Variants in PLAAT1 observed in about 807,000 individuals in gnomAD.
PLAAT1 encodes phospholipase A and acyltransferase 1.
PLAAT1 carries 13 observed loss-of-function variants against 16.4 expected under a neutral mutation model. That is an observed-to-expected ratio of 0.79 (90% CI 0.52 to 1.26). The LOEUF (loss-of-function observed/expected upper bound fraction) is 1.26, where lower values mean the gene tolerates loss of function less well. Ranked by LOEUF, PLAAT1 falls within the 50% of genes most tolerant of loss-of-function variation. The pLI, the probability that PLAAT1 is intolerant of heterozygous loss-of-function variation, is 0.00. For missense variants in PLAAT1, 218 were observed against 207.8 expected (o/e 1.05, Z -0.30); for synonymous variants, 73 against 78.4 (o/e 0.93, Z 0.36).
chr3:193,262,609 G>A (rs1716626373), intron 2 of PLAAT1, among the ~76,000 whole-genome samples: 2 of 152,016 alleles, frequency 1.3e-5, no homozygotes, highest in Non-Finnish European at 2.9e-5. Context: ...AGAAAAAGTG[G>A]ACAATAATCT....
At chr3:193,242,746 G>A (rs1715821351) in intron 1 of PLAAT1, among the ~76,000 whole-genome samples, 1 of 152,126 alleles carries the variant, frequency 6.6e-6, no homozygotes, top group South Asian at 2.1e-4. Context: ...AGCACTGAGA[G>A]TCTATGAATT....
chr3:193,242,652 A>G (rs1335648513), intron 1 of PLAAT1, among the ~76,000 whole-genome samples: 1 of 152,194 alleles, frequency 6.6e-6, no homozygotes, highest in Non-Finnish European at 1.5e-5. Context: ...AAGGCATGAC[A>G]GTGCTGTGGC....
downstream of PLAAT1, among the ~76,000 whole-genome samples, chr3:193,280,262 C>T (rs1449553145): frequency 6.6e-6 from 1 of 152,050 alleles, no homozygotes; most frequent in Non-Finnish European, 1.5e-5. Flanking sequence ...ACCATATTGG[C>T]CAGGCTGGGC....
In PLAAT1 at chr3:193,265,601, C is replaced by T. The variant is rs114389612; in HGVS notation, c.405+2366C>T. On this transcript the variant is annotated intron_variant, in intron 3 of 3. Transcript: ENST00000264735. Reference sequence around the variant, plus strand: ...GAATATACTAAAAAACATTGAACTACATTATTTCAGTGGGTAAATATATGG... The same window carrying T: ...GAATATACTAAAAAACATTGAACTATATTATTTCAGTGGGTAAATATATGG... Among the ~76,000 whole-genome samples the T allele has an allele frequency of 6.1e-3, 932 of 152,120 alleles. 9 individuals carry two copies. Among genetic ancestry groups the T allele is most frequent in the African/African-American group, 0.021 (874 of 41,502 alleles).
intron 1 of PLAAT1, among the ~76,000 whole-genome samples, chr3:193,250,562 C>T (rs756939747): frequency 6.6e-6 from 1 of 152,126 alleles, no homozygotes; most frequent in African/African-American, 2.4e-5. Flanking sequence ...GACTAGGAGC[C>T]TGTCTCTTGG....
chr3:193,247,637 C>CT (rs979188162), intron 1 of PLAAT1, among the ~76,000 whole-genome samples: 4 of 151,578 alleles, frequency 2.6e-5, no homozygotes, highest in Non-Finnish European at 5.9e-5. Context: ...TCAGTTTCCT[C>CT]TTTTTTTTGT....
downstream of PLAAT1, among the ~76,000 whole-genome samples, chr3:193,279,114 CATA>C (rs1175101453): frequency 6.6e-6 from 1 of 152,026 alleles, no homozygotes; most frequent in Non-Finnish European, 1.5e-5. Context: ...TATAACATAG[CATA>C]ATAAAGTATC....
intron 2 of PLAAT1, among the ~76,000 whole-genome samples, chr3:193,258,852 C>T (rs1219696539): frequency 6.6e-6 from 1 of 152,086 alleles, no homozygotes; most frequent in African/African-American, 2.4e-5. Flanking sequence ...ACCAATCCTA[C>T]TGAAACTACT....
chr3:193,243,230 G>A (rs759799866), intron 1 of PLAAT1, among the ~76,000 whole-genome samples: 1 of 152,182 alleles, frequency 6.6e-6, no homozygotes. Flanking sequence ...TGTAGTAGAG[G>A]ATGTTATAAA....
At chr3:193,243,896 C>T (rs1008114738) in intron 1 of PLAAT1, among the ~76,000 whole-genome samples, 14 of 152,206 alleles carry the variant, frequency 9.2e-5, no homozygotes, top group African/African-American at 3.4e-4. Flanking sequence ...TCATAGCAAC[C>T]ACTGTGTGTT....
intron 1 of PLAAT1, among the ~76,000 whole-genome samples, chr3:193,246,162 A>G (rs1715975296): frequency 6.6e-6 from 1 of 152,104 alleles, no homozygotes; most frequent in South Asian, 2.1e-4. Flanking sequence ...TCAACTTTTT[A>G]CCATCGAGCA....
chr3:193,245,117 GC>G (rs1300664453), intron 1 of PLAAT1, among the ~76,000 whole-genome samples: 4 of 152,296 alleles, frequency 2.6e-5, no homozygotes, highest in East Asian at 3.9e-4. Flanking sequence ...TGGTCAACAT[GC>G]AGTGCAATAA....
At chr3:193,252,749 G>A (rs1716237027) in intron 1 of PLAAT1, among the ~76,000 whole-genome samples, 1 of 152,120 alleles carries the variant, frequency 6.6e-6, no homozygotes, top group Middle Eastern at 3.2e-3. Flanking sequence ...GTCAAGGTTT[G>A]TTTATTTGTT....
chr3:193,259,871 T>C (rs954486028), intron 2 of PLAAT1, among the ~76,000 whole-genome samples: 2 of 152,008 alleles, frequency 1.3e-5, no homozygotes, highest in South Asian at 4.1e-4. Context: ...AGAAAAAATA[T>C]TCTAAAATTT....
upstream of PLAAT1, chr3:193,241,118 C>CGGCGGGCGGGCGGGCGGGCG: frequency 2.3e-6 from 2 of 852,396 alleles, no homozygotes; most frequent in South Asian, 6.3e-5. Context: ...TGCAGTTCCC[C>CGGCGGGCGGGCGGGCGGGCG]GGCGGGCGGG....
downstream of PLAAT1, chr3:193,275,387 C>A: frequency 6.7e-7 from 1 of 1,481,762 alleles, no homozygotes; most frequent in Non-Finnish European, 9.2e-7. Flanking sequence ...CACCTCCTTT[C>A]CCCAGGCCTT....
chr3:193,265,542 G>A (rs10804951), intron 3 of PLAAT1, among the ~76,000 whole-genome samples: 137,462 of 152,224 alleles, frequency 0.9, 62,289 homozygotes, highest in East Asian at 0.98. Context: ...GAATGATGAA[G>A]TGTTTCAAAA....
chr3:193,241,751 C>T (rs1438465143), intron 1 of PLAAT1, among the ~76,000 whole-genome samples: 1 of 152,190 alleles, frequency 6.6e-6, no homozygotes, highest in Non-Finnish European at 1.5e-5. Context: ...AGAAACCCAA[C>T]CTGTTTAAGG....
At chr3:193,265,851 G>C (rs1333101724) in intron 3 of PLAAT1, among the ~76,000 whole-genome samples, 2 of 152,124 alleles carry the variant, frequency 1.3e-5, no homozygotes, top group African/African-American at 2.4e-5. Flanking sequence ...CTTTTGCGTT[G>C]AAAATTAGTG....
Sources: allele counts gnomAD v4.1 joint callset (sites outside exome capture counted in the v4.1 genomes callset), GRCh38; gene constraint gnomAD v4.1.1; transcripts MANE v1.5; gene names NCBI Gene and HGNC (gene_info 2026-07-23, HGNC 2026-07-21).